The following NCKAP5 variants were observed in gnomAD, a reference collection of about 807,000 sequenced individuals.
The protein encoded by NCKAP5 is NCK associated protein 5, also known as nck-associated protein 5.
A neutral mutation model predicts 167.0 loss-of-function variants in NCKAP5; 92 were observed. The ratio of observed to expected loss-of-function variants is 0.55; its 90% confidence interval spans 0.47 to 0.66. The LOEUF is 0.66. Ranked by LOEUF, NCKAP5 falls within the 30% of genes least tolerant of loss-of-function variation. The pLI, the probability that NCKAP5 is intolerant of heterozygous loss-of-function variation, is 0.00. For synonymous variants in NCKAP5, 891 were observed against 877.4 expected, an observed-to-expected ratio of 1.02 and a Z score of -0.27; for missense variants, 2,378 against 2,315.0, an observed-to-expected ratio of 1.03 and a Z score of -0.56.
chr2:133,434,209 C>T (rs907151972), intron 3 of NCKAP5, among the ~76,000 whole-genome samples: 1 of 152,158 alleles, frequency 6.6e-6, no homozygotes, highest in African/African-American at 2.4e-5. Context: ...TTACCTCTTC[C>T]TTCCTTTCTA....
chr2:133,548,927 G>T (rs1575141318), intron 2 of NCKAP5, among the ~76,000 whole-genome samples: 1 of 151,924 alleles, frequency 6.6e-6, no homozygotes, highest in Admixed American at 6.6e-5. Context: ...AAAAGACACA[G>T]ACGGGCAAAT....
intron 4 of NCKAP5, among the ~76,000 whole-genome samples, chr2:133,275,333 G>A (rs887232998): frequency 6.6e-6 from 1 of 151,894 alleles, no homozygotes; most frequent in African/African-American, 2.4e-5. Flanking sequence ...TTAAGTTGAA[G>A]GTGTTCGTAC....
At chr2:132,891,453 C>T (rs1251494255) in intron 8 of NCKAP5, among the ~76,000 whole-genome samples, 2 of 152,238 alleles carry the variant, frequency 1.3e-5, no homozygotes. Context: ...ATTCAGAAGT[C>T]TCTTACTGCT....
rs200334792 is a variant in NCKAP5, at chr2:132,783,203, G to A, written c.3608C>T (p.Ala1203Val). The part of the protein sequence containing the change: ...SKNPASMEIT[A>V]GERNVTLPDS... ...CGGTAGGGTCACATTTCTTTCACCC[G>A]CTGTGATCTCCATGCTTGCTGGATT... Residue 1203 changes from alanine (A) to valine (V), a missense_variant, in exon 14 of 20, where the codon GCG becomes GTG. Physicochemically the swap from Ala to Val is moderately conservative, Grantham distance 64. Around this residue, in one of 3 missense-constraint regions of NCKAP5, gnomAD observed 1,325 missense variants for 1,274.5 expected, o/e 1.04. Coordinates refer to ENST00000409261, the MANE Select transcript of NCKAP5 (RefSeq NM_207363.3). The A allele has an allele frequency of 3.9e-4, 625 of 1,613,772 alleles. 4 individuals carry two copies. The highest frequency in any genetic ancestry group is 4.3e-4 in the South Asian group (39 of 91,082).
At chr2:133,638,857 C>CA in the NCKAP5 span, among the ~76,000 whole-genome samples, 637 of 83,856 alleles carry the variant, frequency 7.6e-3, 9 homozygotes, top group Admixed American at 0.018. Flanking sequence ...GACTCTATCT[C>CA]AAAAAAAAAA....
chr2:133,426,251 C>T (rs113405044), intron 3 of NCKAP5, among the ~76,000 whole-genome samples: 5,275 of 151,656 alleles, frequency 0.035, 281 homozygotes, highest in African/African-American at 0.12. Context: ...GCCTGGGCAA[C>T]GGAGCCAAAC....
intron 8 of NCKAP5, among the ~76,000 whole-genome samples, chr2:132,892,781 C>G (rs1381090698): frequency 6.6e-6 from 1 of 151,930 alleles, no homozygotes; most frequent in African/African-American, 2.4e-5. Flanking sequence ...CTTTGTGTTG[C>G]AGAGATAGTT....
At chr2:132,933,050 G>C (rs543608043) in intron 8 of NCKAP5, among the ~76,000 whole-genome samples, 1 of 150,004 alleles carries the variant, frequency 6.7e-6, no homozygotes, top group East Asian at 2.0e-4. Context: ...TCAGCCTCCC[G>C]AGCAGCTGGG....
At chr2:133,361,425 C>A (rs997919157) in intron 3 of NCKAP5, among the ~76,000 whole-genome samples, 4 of 152,180 alleles carry the variant, frequency 2.6e-5, no homozygotes. Flanking sequence ...CATGGTTTCA[C>A]AAAGTCTCAA....
At chr2:133,282,503 T>C (rs1661037410) in intron 4 of NCKAP5, among the ~76,000 whole-genome samples, 1 of 152,100 alleles carries the variant, frequency 6.6e-6, no homozygotes, top group African/African-American at 2.4e-5. Context: ...TTAACGGGAA[T>C]TGGAAGATAA....
At chr2:133,502,880 A>G (rs1043721988) in intron 3 of NCKAP5, among the ~76,000 whole-genome samples, 1 of 152,198 alleles carries the variant, frequency 6.6e-6, no homozygotes, top group Non-Finnish European at 1.5e-5. Flanking sequence ...GTGCCTGGGG[A>G]GTGAGGTGGC....
At chr2:132,836,819 T>G (rs1687923701) in intron 11 of NCKAP5, among the ~76,000 whole-genome samples, 1 of 152,192 alleles carries the variant, frequency 6.6e-6, no homozygotes, top group Admixed American at 6.5e-5. Flanking sequence ...TACAGCTGTT[T>G]ATTTTGTTCA....
chr2:132,739,914 T>C (rs868509365), intron 16 of NCKAP5, among the ~76,000 whole-genome samples: 8 of 152,284 alleles, frequency 5.3e-5, no homozygotes, highest in South Asian at 2.1e-4. Context: ...ATACAAATGA[T>C]GTCTGCTGAT....
intron 2 of NCKAP5, among the ~76,000 whole-genome samples, chr2:133,547,978 GA>G (rs1373544069): frequency 6.8e-6 from 1 of 146,802 alleles, no homozygotes; most frequent in Non-Finnish European, 1.5e-5. Context: ...TGAAAACTTT[GA>G]AAAAAATTTA....
At chr2:133,659,174 T>C in the NCKAP5 span, among the ~76,000 whole-genome samples, 5 of 152,198 alleles carry the variant, frequency 3.3e-5, no homozygotes, top group Non-Finnish European at 7.4e-5. Context: ...AGTTTCCTCA[T>C]TTGCAAACAC....
intron 16 of NCKAP5, among the ~76,000 whole-genome samples, chr2:132,768,656 T>TG (rs1681735546): frequency 7.5e-6 from 1 of 134,114 alleles, no homozygotes; most frequent in Non-Finnish European, 1.6e-5. Flanking sequence ...TTTTTTTTTT[T>TG]TGAGACGGAG....
chr2:132,782,120 G>T lies in NCKAP5; in HGVS notation c.4691C>A (p.Thr1564Lys), dbSNP rs749572030. The part of the protein sequence containing the change: ...EKKKPELQCE[T>K]ENELIKDTKS... ...GGTGTCCTTGATAAGCTCATTTTCTGTCTCACACTGTAGTTCAGGCTTCTT... is the reference window on the plus strand; with the variant it reads ...GGTGTCCTTGATAAGCTCATTTTCTTTCTCACACTGTAGTTCAGGCTTCTT... The change falls in exon 14 of 20, where the codon ACA becomes AAA. Residue 1564 changes from threonine to lysine, a missense_variant. Around this residue, in one of 3 missense-constraint regions of NCKAP5, gnomAD observed 1,325 missense variants for 1,274.5 expected, o/e 1.04. Transcript: ENST00000409261. 1 of 1,613,952 alleles carries T rather than the reference G, an allele frequency of 6.2e-7. No homozygotes were observed. The highest frequency in any genetic ancestry group is 8.5e-7 in the Non-Finnish European group (1 of 1,179,882).
At chr2:133,385,311 G>A (rs1366614265) in intron 3 of NCKAP5, among the ~76,000 whole-genome samples, 3 of 152,160 alleles carry the variant, frequency 2.0e-5, no homozygotes, top group African/African-American at 7.2e-5. Flanking sequence ...TAATCATGTG[G>A]TTTTTGTCTT....
chr2:133,157,895 T>C (rs1388860904), intron 5 of NCKAP5, among the ~76,000 whole-genome samples: 1 of 152,218 alleles, frequency 6.6e-6, no homozygotes, highest in African/African-American at 2.4e-5. Context: ...AGAAAGTGAT[T>C]CTCCACTTGC....
Sources: allele counts gnomAD v4.1 joint callset (sites outside exome capture counted in the v4.1 genomes callset), GRCh38; gene constraint gnomAD v4.1.1; regional missense constraint gnomAD v4.1.1; transcripts MANE v1.5; gene names NCBI Gene and HGNC (gene_info 2026-07-23, HGNC 2026-07-21).